SORCS2: variants seen among roughly 807,000 people sequenced by gnomAD.
SORCS2 encodes the protein sortilin related VPS10 domain containing receptor 2.
SORCS2 carries 100 observed loss-of-function variants against 141.6 expected under a neutral mutation model. The observed-to-expected ratio is 0.71, with a 90% confidence interval of 0.60 to 0.83. SORCS2 has a LOEUF of 0.83. SORCS2 is among the 40% of genes least tolerant of loss of function. The probability of loss-of-function intolerance (pLI) is 0.00; values close to 1 mark genes in which losing one functional copy is unlikely to be tolerated. For synonymous variants in SORCS2, 789 were observed against 676.9 expected, an observed-to-expected ratio of 1.17 and a Z score of -2.57; for missense variants, 1,646 against 1,560.2, an observed-to-expected ratio of 1.05 and a Z score of -0.93.
intron 1 of SORCS2, among the ~76,000 whole-genome samples, chr4:7,381,219 G>T (rs150688358): frequency 9.2e-5 from 14 of 152,154 alleles, no homozygotes; most frequent in African/African-American, 3.4e-4. Flanking sequence ...CTGTTTGGTC[G>T]ATGACATGAC....
chr4:7,540,211 C>CCTGCCT (rs1187594885), intron 3 of SORCS2, among the ~76,000 whole-genome samples: 1 of 130,526 alleles, frequency 7.7e-6, no homozygotes. Flanking sequence ...CCTCCCTGCC[C>CCTGCCT]CTGCCTCTGC....
chr4:7,430,509 A>ACGT, intron 2 of SORCS2: 1 of 152,238 alleles, frequency 6.6e-6, no homozygotes, highest in East Asian at 1.9e-4. Flanking sequence ...GTGTTCTGGG[A>ACGT]CGTCCCAGGC....
chr4:7,206,116 G>A (rs1727719454), intron 1 of SORCS2, among the ~76,000 whole-genome samples: 1 of 152,182 alleles, frequency 6.6e-6, no homozygotes, highest in Non-Finnish European at 1.5e-5. Flanking sequence ...CTCGGCTGGA[G>A]GGATGAGATG....
chr4:7,278,987 G>A (rs1479559654), intron 1 of SORCS2, among the ~76,000 whole-genome samples: 1 of 152,138 alleles, frequency 6.6e-6, no homozygotes, highest in African/African-American at 2.4e-5. Flanking sequence ...GCAAGTCCTC[G>A]TCCAGGGAAC....
chr4:7,502,715 A>G (rs1371498880), intron 2 of SORCS2, among the ~76,000 whole-genome samples: 1 of 152,102 alleles, frequency 6.6e-6, no homozygotes, highest in Non-Finnish European at 1.5e-5. Flanking sequence ...CAAGGTTCCA[A>G]TCTAAAGCCA....
At chr4:7,254,533 A>C (rs1713717835) in intron 1 of SORCS2, among the ~76,000 whole-genome samples, 1 of 152,160 alleles carries the variant, frequency 6.6e-6, no homozygotes, top group Admixed American at 6.5e-5. Context: ...TGGCAGGAGC[A>C]TGATGACAAG....
At chr4:7,403,278 C>T (rs1724714154) in intron 2 of SORCS2, among the ~76,000 whole-genome samples, 1 of 152,178 alleles carries the variant, frequency 6.6e-6, no homozygotes, top group South Asian at 2.1e-4. Context: ...GGGTCTGCTT[C>T]ATATCTGTTT....
chr4:7,565,880 AGAT>A (rs1428025322), intron 3 of SORCS2, among the ~76,000 whole-genome samples: 41 of 136,026 alleles, frequency 3.0e-4, no homozygotes, highest in African/African-American at 8.0e-4. Context: ...GTGATGATGG[AGAT>A]GATGATGGTG....
chr4:7,737,087 C>T lies in SORCS2; in HGVS notation c.3330C>T (p.Thr1110=), dbSNP rs1419585943. The change falls in exon 26 of 27, where the codon ACC becomes ACT. Residue 1110 remains threonine, a synonymous_variant. Coordinates refer to ENST00000507866, the MANE Select transcript of SORCS2 (RefSeq NM_020777.3). ...YKFKRKRPGR[T]VYAQMHNEKE... ...CCAGCAGGAAACGGCCAGGCAGGAC[C>T]GTGTACGCCCAAATGCACAACGAGA... 8 of 1,551,296 alleles carry T rather than the reference C, an allele frequency of 5.2e-6. No individual in the cohort carries two copies. The highest frequency in any genetic ancestry group is 4.9e-5 in the East Asian group (2 of 40,902).
intron 11 of SORCS2, among the ~76,000 whole-genome samples, chr4:7,696,899 C>G (rs924499254): frequency 1.3e-5 from 2 of 152,226 alleles, no homozygotes; most frequent in African/African-American, 4.8e-5. Flanking sequence ...CATCCCTAGC[C>G]ACACTCCATG....
intron 14 of SORCS2, among the ~76,000 whole-genome samples, chr4:7,706,760 T>C (rs1262558745): frequency 2.1e-5 from 3 of 142,546 alleles, no homozygotes; most frequent in Admixed American, 6.9e-5. Flanking sequence ...GGCTGGGCTC[T>C]GCCTGGACAG....
chr4:7,428,187 G>A (rs1726586904), intron 2 of SORCS2, among the ~76,000 whole-genome samples: 1 of 152,196 alleles, frequency 6.6e-6, no homozygotes, highest in Non-Finnish European at 1.5e-5. Context: ...TGAGCACAAC[G>A]GATTCATATT....
At chr4:7,644,219 C>A (rs1459066637) in intron 4 of SORCS2, among the ~76,000 whole-genome samples, 1 of 152,202 alleles carries the variant, frequency 6.6e-6, no homozygotes, top group East Asian at 1.9e-4. Context: ...GGGACCAGAA[C>A]CTCCCAGACT....
chr4:7,669,418 G>A (rs1182120545), intron 8 of SORCS2, among the ~76,000 whole-genome samples: 1 of 152,000 alleles, frequency 6.6e-6, no homozygotes, highest in African/African-American at 2.4e-5. Context: ...AGAGCCCTAC[G>A]GGGTCTTCAA....
intron 2 of SORCS2, among the ~76,000 whole-genome samples, chr4:7,453,662 C>G (rs1159453823): frequency 4.9e-5 from 6 of 121,380 alleles, no homozygotes; most frequent in South Asian, 3.0e-4. Context: ...GGGTCAGGAG[C>G]TGTGTGTTGG....
intron 1 of SORCS2, among the ~76,000 whole-genome samples, chr4:7,302,308 G>A (rs1051821410): frequency 6.6e-6 from 1 of 152,228 alleles, no homozygotes; most frequent in Non-Finnish European, 1.5e-5. Flanking sequence ...AGAAATGACA[G>A]GTAAGTGACT....
intron 2 of SORCS2, chr4:7,433,851 G>C (rs1365922864): frequency 1.2e-6 from 2 of 1,613,796 alleles, no homozygotes; most frequent in African/African-American, 2.7e-5. Flanking sequence ...AGGAGGGGCT[G>C]TAGGTGTCCA....
intron 1 of SORCS2, among the ~76,000 whole-genome samples, chr4:7,361,543 T>A (rs987723351): frequency 2.0e-5 from 3 of 147,894 alleles, no homozygotes; most frequent in African/African-American, 4.8e-5. Context: ...TAATAGCAGC[T>A]GCAGGCCCCC....
chr4:7,205,936 C>T (rs1209915520), intron 1 of SORCS2, among the ~76,000 whole-genome samples: 1 of 152,158 alleles, frequency 6.6e-6, no homozygotes, highest in Admixed American at 6.5e-5. Context: ...ATCCCAGCTA[C>T]CCGGGAGGCT....
Sources: allele counts gnomAD v4.1 joint callset (sites outside exome capture counted in the v4.1 genomes callset), GRCh38; gene constraint gnomAD v4.1.1; transcripts MANE v1.5; gene names NCBI Gene and HGNC (gene_info 2026-07-23, HGNC 2026-07-21).